The following LRP1B variants were observed in gnomAD, a reference collection of about 807,000 sequenced individuals.
The protein encoded by LRP1B is LDL receptor related protein 1B, also known as low-density lipoprotein receptor-related protein 1B.
Under a neutral mutation model 556.6 loss-of-function variants are expected in LRP1B, and 217 were observed. The observed-to-expected ratio is 0.39, with a 90% CI of 0.35 to 0.44. LRP1B has a LOEUF of 0.44. LRP1B is among the 20% of genes least tolerant of loss of function. The pLI is 1.00. For synonymous variants in LRP1B, 2,047 were observed against 1,865.8 expected, an observed-to-expected ratio of 1.10 and a Z score of -2.50; for missense variants, 5,053 against 5,620.8, an observed-to-expected ratio of 0.90 and a Z score of 3.23.
intron 6 of LRP1B, among the ~76,000 whole-genome samples, chr2:141,208,566 A>C (rs1395070172): frequency 6.6e-6 from 1 of 152,048 alleles, no homozygotes; most frequent in Non-Finnish European, 1.5e-5. Context: ...CAGTAAATAT[A>C]TTAAAAAGGG....
chr2:140,488,435 C>T (rs1312705728), intron 57 of LRP1B, among the ~76,000 whole-genome samples: 1 of 151,954 alleles, frequency 6.6e-6, no homozygotes, highest in Non-Finnish European at 1.5e-5. Flanking sequence ...CATGGTTATG[C>T]ATTTTTTAGC....
intron 18 of LRP1B, among the ~76,000 whole-genome samples, chr2:140,981,298 C>T (rs1184630684): frequency 2.0e-5 from 3 of 151,268 alleles, no homozygotes; most frequent in Non-Finnish European, 4.4e-5. Flanking sequence ...ACCTATTTTT[C>T]TACTATTAAA....
intron 3 of LRP1B, among the ~76,000 whole-genome samples, chr2:141,410,922 C>T (rs1690827551): frequency 6.6e-6 from 1 of 151,872 alleles, no homozygotes; most frequent in African/African-American, 2.4e-5. Flanking sequence ...CCTATTCTTG[C>T]TATTCTAAGT....
At chr2:141,220,001 A>C (rs1488117641) in intron 6 of LRP1B, among the ~76,000 whole-genome samples, 1 of 152,172 alleles carries the variant, frequency 6.6e-6, no homozygotes, top group East Asian at 1.9e-4. Flanking sequence ...CTGAAAACTC[A>C]AAAAGCCAGA....
intron 25 of LRP1B, among the ~76,000 whole-genome samples, chr2:140,869,708 T>C (rs748506462): frequency 8.6e-5 from 13 of 151,912 alleles, no homozygotes; most frequent in African/African-American, 1.2e-4. Context: ...AAAAATGAGA[T>C]AAAAAACAGA....
chr2:141,590,006 T>A (rs1687278900), intron 2 of LRP1B, among the ~76,000 whole-genome samples: 1 of 152,230 alleles, frequency 6.6e-6, no homozygotes, highest in Non-Finnish European at 1.5e-5. Flanking sequence ...ATTTTTCATG[T>A]TATTCTAACT....
intron 35 of LRP1B, among the ~76,000 whole-genome samples, chr2:140,748,629 G>GTA (rs1688436815): frequency 1.5e-5 from 1 of 67,512 alleles, no homozygotes; most frequent in Non-Finnish European, 2.8e-5. Context: ...ATATATATTC[G>GTA]TATATATATT....
At chr2:140,327,713 G>A (rs1680564704) in intron 79 of LRP1B, among the ~76,000 whole-genome samples, 1 of 151,964 alleles carries the variant, frequency 6.6e-6, no homozygotes, top group Non-Finnish European at 1.5e-5. Context: ...CAGAAAGGAA[G>A]AAAACAGTGA....
chr2:140,896,683 T>A (rs1165831121), intron 23 of LRP1B, among the ~76,000 whole-genome samples: 1 of 152,082 alleles, frequency 6.6e-6, no homozygotes, highest in Admixed American at 6.6e-5. Context: ...GGTATCCTTA[T>A]GTTGACCAGG....
At chr2:140,566,091 G>T (rs1681115071) in intron 43 of LRP1B, among the ~76,000 whole-genome samples, 1 of 152,106 alleles carries the variant, frequency 6.6e-6, no homozygotes, top group African/African-American at 2.4e-5. Flanking sequence ...TGTGTATGTG[G>T]CTCCAGAGGT....
At chr2:140,976,183 AT>A (rs1270782878) in intron 18 of LRP1B, among the ~76,000 whole-genome samples, 2 of 151,852 alleles carry the variant, frequency 1.3e-5, no homozygotes, top group Non-Finnish European at 2.9e-5. Flanking sequence ...GCCTGCCAAA[AT>A]GCTGAGATAA....
intron 2 of LRP1B, among the ~76,000 whole-genome samples, chr2:141,563,600 A>C (rs1199842691): frequency 6.6e-6 from 1 of 151,978 alleles, no homozygotes; most frequent in Non-Finnish European, 1.5e-5. Flanking sequence ...AAGTTGTAAA[A>C]CTATGTAGTA....
chr2:141,532,845 G>A (rs530052042), intron 2 of LRP1B, among the ~76,000 whole-genome samples: 1 of 152,234 alleles, frequency 6.6e-6, no homozygotes, highest in Admixed American at 6.5e-5. Flanking sequence ...AATTAGCCGG[G>A]TATGGTGGTG....
At chr2:141,801,837 G>GA (rs1696017057) in intron 2 of LRP1B, among the ~76,000 whole-genome samples, 1 of 151,962 alleles carries the variant, frequency 6.6e-6, no homozygotes, top group Non-Finnish European at 1.5e-5. Flanking sequence ...AAAAATTTAA[G>GA]AAATTTTTAA....
intron 7 of LRP1B, among the ~76,000 whole-genome samples, chr2:141,110,279 T>C (rs1057326436): frequency 2.0e-5 from 3 of 151,528 alleles, no homozygotes; most frequent in Non-Finnish European, 2.9e-5. Flanking sequence ...AATGTTAATA[T>C]CCATAGAATA....
chr2:141,318,117 G>A (rs1369470340), intron 3 of LRP1B, among the ~76,000 whole-genome samples: 1 of 152,130 alleles, frequency 6.6e-6, no homozygotes, highest in Non-Finnish European at 1.5e-5. Context: ...TAGGATTTAT[G>A]TTGAACAACT....
chr2:141,809,939 G>C (rs1208526034), intron 2 of LRP1B, among the ~76,000 whole-genome samples: 2 of 151,558 alleles, frequency 1.3e-5, no homozygotes, highest in African/African-American at 2.4e-5. Flanking sequence ...TTTTTTTCTA[G>C]TGTTAACACA....
chr2:140,569,298 C>T (rs1681237581), intron 43 of LRP1B, among the ~76,000 whole-genome samples: 1 of 151,878 alleles, frequency 6.6e-6, no homozygotes, highest in Admixed American at 6.6e-5. Flanking sequence ...CAAGACCCAG[C>T]AGTATGCTAC....
intron 2 of LRP1B, among the ~76,000 whole-genome samples, chr2:141,544,915 C>T (rs1685498608): frequency 1.3e-5 from 2 of 152,094 alleles, no homozygotes; most frequent in Admixed American, 6.6e-5. Flanking sequence ...ATCCTTCTGG[C>T]TTGGCCTCCC....
Sources: gnomAD v4.1 joint callset for allele counts (sites outside exome capture counted in the v4.1 genomes callset) on GRCh38, gnomAD v4.1.1 for gene constraint, MANE v1.5 for transcripts, NCBI Gene and HGNC (gene_info 2026-07-23, HGNC 2026-07-21) for gene names.